The following MAST2 variants were observed in gnomAD, a reference collection of about 807,000 sequenced individuals.
MAST2 encodes the protein microtubule associated serine/threonine kinase 2.
MAST2 carries 70 observed loss-of-function variants against 147.4 expected under a neutral mutation model. The ratio of observed to expected loss-of-function variants is 0.47; its 90% confidence interval spans 0.39 to 0.58. The LOEUF is 0.58. Ranked by LOEUF, MAST2 falls within the 20% of genes least tolerant of loss-of-function variation. The probability of loss-of-function intolerance (pLI) is 0.00; values close to 1 mark genes in which losing one functional copy is unlikely to be tolerated. For synonymous variants in MAST2, 869 were observed against 896.8 expected, an observed-to-expected ratio of 0.97 and a Z score of 0.55; for missense variants, 2,080 against 2,302.3, an observed-to-expected ratio of 0.90 and a Z score of 1.98.
chr1:45,804,425 G>A (rs971203939), intron 1 of MAST2, among the ~76,000 whole-genome samples: 9 of 152,158 alleles, frequency 5.9e-5, no homozygotes, highest in African/African-American at 1.9e-4. Context: ...AGAGTAAGAT[G>A]TAAGTCAATT....
At chr1:45,878,961 G>T (rs1402101564) in intron 3 of MAST2, among the ~76,000 whole-genome samples, 1 of 150,152 alleles carries the variant, frequency 6.7e-6, no homozygotes, top group Non-Finnish European at 1.5e-5. Flanking sequence ...TTAATAATTG[G>T]ATTCAAAAAT....
intron 4 of MAST2, among the ~76,000 whole-genome samples, chr1:45,948,731 A>T (rs1332154187): frequency 6.7e-6 from 1 of 150,306 alleles, no homozygotes; most frequent in Non-Finnish European, 1.5e-5. Context: ...AAAAAAAAAA[A>T]AAGTCATATG....
At chr1:45,833,866 G>A (rs1409670728) in intron 3 of MAST2, among the ~76,000 whole-genome samples, 1 of 149,222 alleles carries the variant, frequency 6.7e-6, no homozygotes, top group Non-Finnish European at 1.5e-5. Context: ...GTTTTCTCTT[G>A]TGCTTTTTTT....
At chr1:45,964,470 T>A (rs1318663794) in intron 5 of MAST2, among the ~76,000 whole-genome samples, 2 of 152,222 alleles carry the variant, frequency 1.3e-5, no homozygotes, top group Admixed American at 6.5e-5. Context: ...GAGGAATTTA[T>A]CCATTTCTTC....
intron 5 of MAST2, among the ~76,000 whole-genome samples, chr1:45,961,726 C>G (rs748609230): frequency 6.6e-6 from 1 of 152,076 alleles, no homozygotes; most frequent in Non-Finnish European, 1.5e-5. Flanking sequence ...GATTGTTCCA[C>G]GCAGATCCCA....
chr1:45,931,180 C>T (rs1454039005), intron 4 of MAST2, among the ~76,000 whole-genome samples: 1 of 152,118 alleles, frequency 6.6e-6, no homozygotes, highest in African/African-American at 2.4e-5. Context: ...TACTGTTATT[C>T]GTCTTCTATC....
chr1:45,860,543 T>C (rs1212911959), intron 3 of MAST2, among the ~76,000 whole-genome samples: 1 of 152,106 alleles, frequency 6.6e-6, no homozygotes, highest in Non-Finnish European at 1.5e-5. Context: ...TACATCTTAC[T>C]ACTCTTGGCC....
intron 3 of MAST2, among the ~76,000 whole-genome samples, chr1:45,836,707 A>G (rs1400946739): frequency 6.6e-6 from 1 of 152,244 alleles, no homozygotes; most frequent in Non-Finnish European, 1.5e-5. Flanking sequence ...TATAATTTAC[A>G]TAGAATAAAA....
intron 1 of MAST2, among the ~76,000 whole-genome samples, chr1:45,806,328 T>C (rs1026919019): frequency 2.0e-5 from 3 of 152,258 alleles, no homozygotes; most frequent in African/African-American, 7.2e-5. Context: ...ATCCATGTTG[T>C]TGCTTGTAGA....
intron 3 of MAST2, among the ~76,000 whole-genome samples, chr1:45,864,606 G>C (rs1457554226): frequency 6.6e-6 from 1 of 152,114 alleles, no homozygotes; most frequent in African/African-American, 2.4e-5. Flanking sequence ...GTTTTTCTTT[G>C]TATTTCTGAA....
intron 1 of MAST2, among the ~76,000 whole-genome samples, chr1:45,805,080 C>T (rs1330550424): frequency 1.4e-5 from 2 of 143,596 alleles, no homozygotes; most frequent in Admixed American, 7.1e-5. Context: ...GACGAAGTCT[C>T]GCTCTGTCGC....
intron 16 of MAST2, among the ~76,000 whole-genome samples, chr1:46,026,371 T>G (rs1245755074): frequency 6.6e-6 from 1 of 152,000 alleles, no homozygotes; most frequent in Non-Finnish European, 1.5e-5. Flanking sequence ...TGGCGACAGC[T>G]TAGATGGTGA....
At chr1:45,876,683 C>T (rs1646620776) in intron 3 of MAST2, among the ~76,000 whole-genome samples, 1 of 152,122 alleles carries the variant, frequency 6.6e-6, no homozygotes, top group Non-Finnish European at 1.5e-5. Flanking sequence ...ATCATTGCTC[C>T]TTGGACTACC....
intron 4 of MAST2, among the ~76,000 whole-genome samples, chr1:45,957,409 A>G (rs753281879): frequency 6.6e-6 from 1 of 152,224 alleles, no homozygotes; most frequent in Non-Finnish European, 1.5e-5. Context: ...CTCTGCCTTA[A>G]CTGGCTGTGT....
At chr1:45,864,594 A>G (rs1033928974) in intron 3 of MAST2, among the ~76,000 whole-genome samples, 4 of 152,296 alleles carry the variant, frequency 2.6e-5, no homozygotes, top group East Asian at 3.9e-4. Flanking sequence ...TCAGAATCGT[A>G]TGTTTTTCTT....
chr1:45,883,477 G>GC (rs2148314751), intron 4 of MAST2, among the ~76,000 whole-genome samples: 1 of 152,236 alleles, frequency 6.6e-6, no homozygotes, highest in African/African-American at 2.4e-5. Context: ...TCTTGACCAT[G>GC]CCATTTAACT....
chr1:45,892,093 C>G (rs1647893776), intron 4 of MAST2, among the ~76,000 whole-genome samples: 1 of 152,154 alleles, frequency 6.6e-6, no homozygotes, highest in South Asian at 2.1e-4. Flanking sequence ...GTTTGTTATA[C>G]CTGATCAAAT....
At chr1:45,877,959 T>C (rs1196579008) in intron 3 of MAST2, among the ~76,000 whole-genome samples, 2 of 152,150 alleles carry the variant, frequency 1.3e-5, no homozygotes, top group African/African-American at 4.8e-5. Context: ...ATCCCAGCAC[T>C]TTGAGAGACC....
At chr1:45,995,553 T>G (rs2149142949) in intron 5 of MAST2, among the ~76,000 whole-genome samples, 1 of 152,312 alleles carries the variant, frequency 6.6e-6, no homozygotes, top group African/African-American at 2.4e-5. Context: ...GCTCTAGAGA[T>G]CCACGCTGCC....
Sources: allele counts gnomAD v4.1 joint callset (sites outside exome capture counted in the v4.1 genomes callset), GRCh38; gene constraint gnomAD v4.1.1; transcripts MANE v1.5; gene names NCBI Gene and HGNC (gene_info 2026-07-23, HGNC 2026-07-21).